Variants in ARHGEF10L observed in about 807,000 individuals in gnomAD.
ARHGEF10L encodes rho guanine nucleotide exchange factor 10-like protein.
A neutral mutation model predicts 141.2 loss-of-function variants in ARHGEF10L; 69 were observed. The observed-to-expected ratio is 0.49, with a 90% CI of 0.40 to 0.60. The LOEUF is 0.60. ARHGEF10L is among the 20% of genes least tolerant of loss of function. The probability of loss-of-function intolerance (pLI) is 0.00; values close to 1 mark genes in which losing one functional copy is unlikely to be tolerated. For synonymous variants in ARHGEF10L, 711 were observed against 718.5 expected (o/e 0.99, Z 0.17); for missense variants, 1,482 against 1,734.3 (o/e 0.85, Z 2.58).
Position 17,619,245 on chromosome 1 carries a change from C to T in ARHGEF10L, c.836-94C>T, listed in dbSNP as rs565670216. The T allele has an allele frequency of 7.8e-6, 10 of 1,280,430 alleles. No individual in the cohort carries two copies. In the South Asian group the frequency reaches 1.2e-4, roughly 15 times the overall value. 79.3% of individuals were successfully genotyped at this position (1,280,430 alleles called of 1,614,324 possible). A position where few individuals can be genotyped will look rare whatever the true frequency, so the allele number is the denominator to read the frequency against. ...CTGCTTGCACCCTAGGACCTGGGTCCAAGGCTGGTCTAGGGGGGCTCTCAG... is the reference window on the plus strand; with the variant it reads ...CTGCTTGCACCCTAGGACCTGGGTCTAAGGCTGGTCTAGGGGGGCTCTCAG... On this transcript the variant is annotated intron_variant, in intron 9 of 28. Coordinates refer to ENST00000361221, the MANE Select transcript of ARHGEF10L (RefSeq NM_018125.4). This position sits in a 1 kb window ranked among gnomAD's most constrained non-coding sequence, Gnocchi z 5.0.
rs368029317 is a variant in ARHGEF10L, at chr1:17,677,602, CA to C, written c.3010-9970del. Among the ~76,000 whole-genome samples the C allele has an allele frequency of 2.0e-3, 309 of 152,252 alleles. 3 individuals are homozygous for C. Among genetic ancestry groups the C allele is most frequent in the South Asian group, 8.9e-3 (43 of 4,822 alleles). ...TATGGGCATGGTAGGGGAGGGAGAT[CA>C]GGGGGGGAGAGACCACCACCATCCA... is the stretch of plus-strand genomic sequence containing the variant. On this transcript the variant is annotated intron_variant, in intron 26 of 28. Coordinates refer to ENST00000361221, the MANE Select transcript of ARHGEF10L (RefSeq NM_018125.4).
At position 17,607,948 on chromosome 1, in the gene ARHGEF10L, G is replaced by A. The variant is rs879470657; in HGVS notation, c.580G>A (p.Ala194Thr). ...EAKPEVEVEPAKHRVSFQPKL... is the reference protein window; with the variant it reads ...EAKPEVEVEPTKHRVSFQPKL... ...CAAGCCGGAGGTCGAGGTCGAGCCC[G>A]CCAAGCACCGAGTGTCCTTCCAGCC... The change falls in exon 7 of 29, where the codon GCC becomes ACC. Residue 194 changes from alanine (A) to threonine (T), a missense_variant. This residue lies in a region of ARHGEF10L where 392 missense variants were observed against 542.1 expected (regional missense o/e 0.72). Coordinates refer to ENST00000361221, the MANE Select transcript of ARHGEF10L (RefSeq NM_018125.4). This position sits in a 1 kb window ranked among gnomAD's most constrained non-coding sequence, Gnocchi z 4.5. 19 of 1,440,620 alleles carry A rather than the reference G, an allele frequency of 1.3e-5. No homozygotes were observed. Among genetic ancestry groups the A allele is most frequent in the African/African-American group, 1.0e-4 (7 of 67,406 alleles). 89.2% of individuals were successfully genotyped at this position (1,440,620 alleles called of 1,614,324 possible).
Position 17,621,891 on chromosome 1 carries a change from A to G in ARHGEF10L, c.970A>G (p.Ile324Val), listed in dbSNP as rs1421145342. ...QVVRRHILGS[I>V]VQSEGSYVES... ...GGTCCGGAGGCATATCCTGGGCTCCATCGTGCAGAGCGAAGGCAGCTACGT... is the reference window on the plus strand; with the variant it reads ...GGTCCGGAGGCATATCCTGGGCTCCGTCGTGCAGAGCGAAGGCAGCTACGT... The change falls in exon 11 of 29, where the codon ATC becomes GTC. Residue 324 changes from isoleucine (I) to valine (V), a missense_variant. Around this residue, in one of 3 missense-constraint regions of ARHGEF10L, gnomAD observed 392 missense variants for 542.1 expected, o/e 0.72. Transcript: ENST00000361221. This position sits in a 1 kb window ranked among gnomAD's most constrained non-coding sequence, Gnocchi z 4.1. 6 of 1,614,042 alleles carry G rather than the reference A, an allele frequency of 3.7e-6. No homozygotes were observed. The highest frequency in any genetic ancestry group is 2.2e-5 in the East Asian group (1 of 44,870).
At chr1:17,641,134 T>C (rs1336160128) in intron 21 of ARHGEF10L, among the ~76,000 whole-genome samples, 2 of 152,214 alleles carry the variant, frequency 1.3e-5, no homozygotes, top group African/African-American at 4.8e-5. Flanking sequence ...GTCTGCAGAC[T>C]GCATTCATTA....
intron 26 of ARHGEF10L, among the ~76,000 whole-genome samples, chr1:17,666,722 T>C (rs993825376): frequency 2.0e-5 from 3 of 150,704 alleles, no homozygotes; most frequent in Non-Finnish European, 4.4e-5. Context: ...GCTTCCCTGC[T>C]ATCCCCCCAG....
chr1:17,565,027 C>T (rs1220079301), intron 1 of ARHGEF10L, among the ~76,000 whole-genome samples: 1 of 152,224 alleles, frequency 6.6e-6, no homozygotes, highest in Non-Finnish European at 1.5e-5. Flanking sequence ...TGCCGTGACT[C>T]TTACCAGCAA....
intron 23 of ARHGEF10L, among the ~76,000 whole-genome samples, chr1:17,655,501 A>G (rs1409301048): frequency 6.6e-6 from 1 of 151,964 alleles, no homozygotes; most frequent in Non-Finnish European, 1.5e-5. Flanking sequence ...CCATCCAACA[A>G]GAATATATTG....
At chr1:17,544,135 T>G (rs61764870) in intron 1 of ARHGEF10L, among the ~76,000 whole-genome samples, 12,080 of 150,948 alleles carry the variant, frequency 0.08, 544 homozygotes, top group African/African-American at 0.11. Flanking sequence ...TGTATTTTAG[T>G]AGAGATGGGG....
chr1:17,610,636 G>A (rs2059499890), intron 7 of ARHGEF10L, among the ~76,000 whole-genome samples: 1 of 152,214 alleles, frequency 6.6e-6, no homozygotes, highest in South Asian at 2.1e-4. Flanking sequence ...TGGCATTGCA[G>A]CAGCTGCATG....
rs1308592476 is a variant in ARHGEF10L at position 17,573,074 on chromosome 1, C to T, written c.-43-7479C>T. 6.6e-6 allele frequency among the ~76,000 whole-genome samples: 1 copy of T among 152,208 alleles called. No homozygotes were observed. Among genetic ancestry groups the T allele is most frequent in the African/African-American group, 2.4e-5 (1 of 41,442 alleles). On this transcript the variant is annotated intron_variant, in intron 1 of 28. Coordinates refer to ENST00000361221, the MANE Select transcript of ARHGEF10L (RefSeq NM_018125.4). This position sits in a 1 kb window ranked among gnomAD's most constrained non-coding sequence, Gnocchi z 4.8. ...TCCTGCCATTCTTCCGTCTGTACACCTGCTGGGTTGCAGGGACGCACATGG... is the reference window on the plus strand; with the variant it reads ...TCCTGCCATTCTTCCGTCTGTACACTTGCTGGGTTGCAGGGACGCACATGG...
In ARHGEF10L at chr1:17,664,780, C is replaced by A. The variant is rs187506794; in HGVS notation, c.3009+185C>A. 7.2e-5 allele frequency among the ~76,000 whole-genome samples: 11 copies of A among 152,372 alleles called. No individual in the cohort carries two copies. In the East Asian group the frequency reaches 2.1e-3, roughly 29 times the overall value. ...GGGCCTGACCTCTTCCTCTGCCACACATCGCCAAGGCTACCAAGAACAGAA... is the reference window on the plus strand; with the variant it reads ...GGGCCTGACCTCTTCCTCTGCCACAAATCGCCAAGGCTACCAAGAACAGAA... On this transcript the variant is annotated intron_variant, in intron 26 of 28. Transcript: ENST00000361221.
chr1:17,599,910 C>T (rs1211602311), intron 4 of ARHGEF10L, among the ~76,000 whole-genome samples: 1 of 152,202 alleles, frequency 6.6e-6, no homozygotes, highest in Non-Finnish European at 1.5e-5. Context: ...AATTAAGTTC[C>T]TTAGTCCCAC....
chr1:17,671,871 C>G (rs979552143), intron 26 of ARHGEF10L, among the ~76,000 whole-genome samples: 1 of 152,228 alleles, frequency 6.6e-6, no homozygotes, highest in Non-Finnish European at 1.5e-5. Flanking sequence ...CCAGGCCTGA[C>G]GCAGAGCAGG....
In ARHGEF10L at chr1:17,697,434, C is replaced by T; in HGVS notation, c.*54C>T. ...GCTGCAGGCCTGACCAAGGCCACGC[C>T]CGGCTCTCGTGCTCTAGGACCTGCA... On this transcript the variant is annotated 3_prime_UTR_variant, in exon 29 of 29. Coordinates refer to ENST00000361221, the MANE Select transcript of ARHGEF10L (RefSeq NM_018125.4). This position sits in a 1 kb window ranked among gnomAD's most constrained non-coding sequence, Gnocchi z 4.8. 1 of 1,531,584 alleles carries T rather than the reference C, an allele frequency of 6.5e-7. No homozygotes were observed. 94.9% of individuals were successfully genotyped at this position (1,531,584 alleles called of 1,614,324 possible). A position where few individuals can be genotyped will look rare whatever the true frequency, so the allele number is the denominator to read the frequency against.
intron 14 of ARHGEF10L, 60 bp downstream of exon 14, chr1:17,626,108 C>T: frequency 6.7e-7 from 1 of 1,501,884 alleles, no homozygotes; most frequent in Non-Finnish European, 9.3e-7. Context: ...CTGGGAGGTG[C>T]CTCCTGGGGT....
rs144346671 is a variant in ARHGEF10L, at chr1:17,634,952, C to A, written c.1863C>A (p.Asp621Glu). The change falls in exon 18 of 29, where the codon GAC becomes GAA. Residue 621 changes from aspartate to glutamate, a missense_variant. Physicochemically the swap from Asp to Glu is conservative, Grantham distance 45. Coordinates refer to ENST00000361221, the MANE Select transcript of ARHGEF10L (RefSeq NM_018125.4). ...TGGGCCAGGACGGTGGCACCTATGA[C>A]AAGGACAATGTGCTCATCCAGCACT... is the stretch of plus-strand genomic sequence containing the variant. ...VEVGQDGGTY[D>E]KDNVLIQHSG... The A allele has an allele frequency of 1.4e-5, 22 of 1,613,974 alleles. No individual in the cohort carries two copies. The African/African-American group carries it at 2.4e-4, about 18-fold the overall frequency.
chr1:17,586,862 G>T (rs1413833557), intron 2 of ARHGEF10L, among the ~76,000 whole-genome samples: 2 of 152,016 alleles, frequency 1.3e-5, no homozygotes, highest in African/African-American at 4.8e-5. Context: ...TCCCCAGGAG[G>T]GTAAAAGCAG....
intron 26 of ARHGEF10L, among the ~76,000 whole-genome samples, chr1:17,665,423 C>T (rs1006986443): frequency 1.1e-4 from 17 of 152,152 alleles, no homozygotes; most frequent in Admixed American, 1.0e-3. Flanking sequence ...ACACAACTCT[C>T]ATTTGACAAA....
At chr1:17,624,178 G>A (rs1035184850) in intron 12 of ARHGEF10L, among the ~76,000 whole-genome samples, 1 of 152,208 alleles carries the variant, frequency 6.6e-6, no homozygotes, top group Non-Finnish European at 1.5e-5. Flanking sequence ...GTGACCTCAG[G>A]CCAGCCTCTC....
Sources: allele counts gnomAD v4.1 joint callset (sites outside exome capture counted in the v4.1 genomes callset), GRCh38; gene constraint gnomAD v4.1.1; regional missense constraint gnomAD v4.1.1; non-coding constraint Gnocchi (gnomAD v3.1); transcripts MANE v1.5; gene names NCBI Gene and HGNC (gene_info 2026-07-23, HGNC 2026-07-21).